Variants in TTC23 observed in about 807,000 individuals in gnomAD.
TTC23 encodes the protein tetratricopeptide repeat domain 23.
TTC23 carries 58 observed loss-of-function variants against 55.1 expected under a neutral mutation model. That is an observed-to-expected ratio of 1.05 (90% CI 0.85 to 1.31). TTC23 has a LOEUF of 1.31. TTC23 is among the 50% of genes most tolerant of loss of function. TTC23 has a pLI of 0.00. For synonymous variants in TTC23, 203 were observed against 199.9 expected, an observed-to-expected ratio of 1.02 and a Z score of -0.13; for missense variants, 516 against 534.4, an observed-to-expected ratio of 0.97 and a Z score of 0.34.
chr15:99,155,648 A>C (rs1247383312), intron 12 of TTC23: 2 of 155,452 alleles, frequency 1.3e-5, no homozygotes, highest in Non-Finnish European at 1.4e-5. Context: ...TAAGTCCATA[A>C]GGAAAATCAG....
chr15:99,242,191 A>G (rs1266549828), intron 2 of TTC23, among the ~76,000 whole-genome samples: 2 of 152,082 alleles, frequency 1.3e-5, no homozygotes, highest in African/African-American at 4.8e-5. Flanking sequence ...TTAACTAGTG[A>G]AAGTGTACGC....
At chr15:99,242,287 TA>T (rs996528199) in intron 2 of TTC23, among the ~76,000 whole-genome samples, 21 of 151,624 alleles carry the variant, frequency 1.4e-4, no homozygotes, top group African/African-American at 4.1e-4. Context: ...AAAATAGTGA[TA>T]AAAAAATAAC....
At chr15:99,231,351 C>G (rs187235029) in intron 4 of TTC23, among the ~76,000 whole-genome samples, 1 of 152,196 alleles carries the variant, frequency 6.6e-6, no homozygotes, top group African/African-American at 2.4e-5. Context: ...AGAAGGTATT[C>G]CATTATCATC....
chr15:99,147,063 C>T (rs1001489987), intron 12 of TTC23, among the ~76,000 whole-genome samples: 23 of 150,936 alleles, frequency 1.5e-4, no homozygotes, highest in Admixed American at 7.9e-4. Flanking sequence ...TACAGGCACA[C>T]GCCACCACAC....
chr15:99,233,095 C>T (rs1003717410), intron 4 of TTC23, among the ~76,000 whole-genome samples: 2 of 152,132 alleles, frequency 1.3e-5, no homozygotes, highest in Non-Finnish European at 2.9e-5. Flanking sequence ...TGAACTCACA[C>T]AAGTAGAGAG....
At chr15:99,240,956 T>C (rs1470802977) in intron 3 of TTC23, among the ~76,000 whole-genome samples, 1 of 152,186 alleles carries the variant, frequency 6.6e-6, no homozygotes, top group Non-Finnish European at 1.5e-5. Flanking sequence ...TTTGAGTCTG[T>C]GGCCTTACTT....
intron 12 of TTC23, among the ~76,000 whole-genome samples, chr15:99,144,242 G>A (rs1223715291): frequency 1.3e-5 from 2 of 152,162 alleles, no homozygotes; most frequent in South Asian, 2.1e-4. Context: ...GATAGGTGCC[G>A]TCAGTTAGCC....
chr15:99,140,231 A>G (rs1160626265), intron 12 of TTC23: 1 of 153,634 alleles, frequency 6.5e-6, no homozygotes, highest in Middle Eastern at 3.2e-3. Flanking sequence ...ATAAATGGGT[A>G]CTGGGACCGC....
chr15:99,231,350 T>G (rs2078916689), intron 4 of TTC23, among the ~76,000 whole-genome samples: 1 of 152,202 alleles, frequency 6.6e-6, no homozygotes, highest in African/African-American at 2.4e-5. Flanking sequence ...AAGAAGGTAT[T>G]CCATTATCAT....
At chr15:99,194,471 T>C (rs1370057624) in intron 9 of TTC23, among the ~76,000 whole-genome samples, 2 of 150,810 alleles carry the variant, frequency 1.3e-5, no homozygotes, top group Non-Finnish European at 1.5e-5. Flanking sequence ...CCACTGATCT[T>C]TGGCAAAGGA....
In TTC23 at chr15:99,187,461, A is replaced by AAAAAAAAG. The variant is rs1567429470; in HGVS notation, c.760-12307_760-12306insCTTTTTTT. 4.2e-4 allele frequency among the ~76,000 whole-genome samples: 60 copies of AAAAAAAAG among 143,058 alleles called. 2 individuals carry two copies. Among genetic ancestry groups the AAAAAAAAG allele is most frequent in the Admixed American group, 1.4e-3 (20 of 14,386 alleles). 93.9% of individuals were successfully genotyped at this position (143,058 alleles called of 152,430 possible). A position where few individuals can be genotyped will look rare whatever the true frequency, so the allele number is the denominator to read the frequency against. On this transcript the variant is annotated intron_variant, in intron 9 of 13. Coordinates refer to ENST00000394132, the MANE Select transcript of TTC23 (RefSeq NM_001288615.3). ...ATGCCAAAAGCACAAGCAAAAAAAA[A>AAAAAAAAG]AAAAAAACAAAACAAAAGAAACCCA...
intron 11 of TTC23, chr15:99,160,391 C>A (rs2071199391): frequency 6.6e-6 from 1 of 151,752 alleles, no homozygotes; most frequent in Non-Finnish European, 1.5e-5. Flanking sequence ...TGGGAAAAAA[C>A]AATAAAAATA....
intron 10 of TTC23, among the ~76,000 whole-genome samples, chr15:99,169,904 C>T (rs1236602818): frequency 1.3e-5 from 2 of 152,196 alleles, no homozygotes; most frequent in Admixed American, 1.3e-4. Context: ...CAGAACTCCC[C>T]GGCCTGCAAG....
At chr15:99,200,138 A>T in intron 8 of TTC23, 42 bp from the exon 9 acceptor site, 1 of 1,480,234 alleles carries the variant, frequency 6.8e-7, no homozygotes, top group Non-Finnish European at 9.0e-7. Flanking sequence ...TAATTAAAAT[A>T]GAAAATACTG....
intron 9 of TTC23, among the ~76,000 whole-genome samples, chr15:99,179,726 G>A (rs1053641431): frequency 2.6e-5 from 4 of 152,246 alleles, no homozygotes; most frequent in South Asian, 2.1e-4. Flanking sequence ...CAGAACAGCC[G>A]CTCTCACAGA....
chr15:99,222,046 T>G (rs879548243), intron 5 of TTC23, among the ~76,000 whole-genome samples, 182 bp from the exon 6 acceptor site: 1 of 152,198 alleles, frequency 6.6e-6, no homozygotes, highest in Non-Finnish European at 1.5e-5. Flanking sequence ...GGTGGTAGCA[T>G]GTACATCTGG....
At chr15:99,189,311 G>C (rs2075025551) in intron 9 of TTC23, among the ~76,000 whole-genome samples, 1 of 152,080 alleles carries the variant, frequency 6.6e-6, no homozygotes, top group African/African-American at 2.4e-5. Context: ...TGGATAAAAT[G>C]GTAGAATGGA....
chr15:99,141,421 AAGT>A (rs1420337497), intron 12 of TTC23, among the ~76,000 whole-genome samples: 2 of 152,322 alleles, frequency 1.3e-5, no homozygotes, highest in African/African-American at 4.8e-5. Flanking sequence ...AAATTTAAAA[AAGT>A]AGTTATCTGG....
intron 10 of TTC23, among the ~76,000 whole-genome samples, chr15:99,173,229 G>A (rs77777388): frequency 6.6e-6 from 1 of 152,162 alleles, no homozygotes. Flanking sequence ...CAAAAGTCAC[G>A]GATCCAGCCT....
Sources: gnomAD v4.1 joint callset for allele counts (sites outside exome capture counted in the v4.1 genomes callset) on GRCh38, gnomAD v4.1.1 for gene constraint, MANE v1.5 for transcripts, NCBI Gene and HGNC (gene_info 2026-07-23, HGNC 2026-07-21) for gene names.